Variants in PRKN observed in about 807,000 individuals in gnomAD.
PRKN encodes parkin RBR E3 ubiquitin protein ligase, also known as E3 ubiquitin-protein ligase parkin.
Under a neutral mutation model 59.5 loss-of-function variants are expected in PRKN, and 56 were observed. That is an observed-to-expected ratio of 0.94 (90% CI 0.76 to 1.18). PRKN has a LOEUF of 1.18. PRKN is among the 50% of genes most tolerant of loss of function. The probability of loss-of-function intolerance (pLI) is 0.00; values close to 1 mark genes in which losing one functional copy is unlikely to be tolerated. For missense variants in PRKN, 657 were observed against 596.4 expected, an observed-to-expected ratio of 1.10 and a Z score of -1.06; for synonymous variants, 250 against 222.1, an observed-to-expected ratio of 1.13 and a Z score of -1.12.
At chr6:162,644,214 C>T (rs1778075939) in intron 1 of PRKN, among the ~76,000 whole-genome samples, 1 of 152,168 alleles carries the variant, frequency 6.6e-6, no homozygotes, top group African/African-American at 2.4e-5. Context: ...CCTCCTCCTC[C>T]TGCCACCCAG....
intron 1 of PRKN, among the ~76,000 whole-genome samples, chr6:162,463,097 A>G (rs1272325875): frequency 6.6e-6 from 1 of 151,790 alleles, no homozygotes; most frequent in East Asian, 1.9e-4. Flanking sequence ...TTAAAAACGA[A>G]AAAAAAACCA....
intron 1 of PRKN, among the ~76,000 whole-genome samples, chr6:162,648,162 A>G (rs1778270063): frequency 6.6e-6 from 1 of 152,098 alleles, no homozygotes; most frequent in Non-Finnish European, 1.5e-5. Flanking sequence ...TAAATATCAC[A>G]TGTAACTACT....
chr6:161,579,197 T>G lies in PRKN; in HGVS notation c.872-9781A>C, dbSNP rs73782946. ...CTCTTTAATATGTTTTTCCACAGAT[T>G]ATGGTGGTTGGTTGGTTACCTGAGT... On this transcript the variant is annotated intron_variant, in intron 7 of 11. Coordinates refer to ENST00000366898, the MANE Select transcript of PRKN (RefSeq NM_004562.3). The surrounding 1 kb of genome is among the most constrained non-coding windows in gnomAD (Gnocchi z 4.2). Among the ~76,000 whole-genome samples, 629 of 152,320 alleles carry G rather than the reference T, an allele frequency of 4.1e-3. 2 individuals carry two copies. Among genetic ancestry groups the G allele is most frequent in the African/African-American group, 0.014 (602 of 41,560 alleles).
rs1782291270 is a variant in PRKN at position 162,151,969 on chromosome 6, T to A, written c.534+49162A>T. 2.6e-5 allele frequency among the ~76,000 whole-genome samples: 4 copies of A among 152,286 alleles called. No individual in the cohort carries two copies. The South Asian group carries it at 8.3e-4, about 32-fold the overall frequency. On this transcript the variant is annotated intron_variant, in intron 4 of 11. Transcript: ENST00000366898. ...ACATTATTTAGCAAAAAAAATCAAA[T>A]AATTATAATGCTTTATGTACCCTTA...
intron 4 of PRKN, among the ~76,000 whole-genome samples, chr6:162,138,749 A>G (rs1781653395): frequency 6.6e-6 from 1 of 152,224 alleles, no homozygotes; most frequent in African/African-American, 2.4e-5. Context: ...TATTTTCAAT[A>G]AAGATACACT....
chr6:162,369,657 T>C (rs1309437441), intron 2 of PRKN, among the ~76,000 whole-genome samples: 1 of 152,208 alleles, frequency 6.6e-6, no homozygotes, highest in Non-Finnish European at 1.5e-5. Context: ...GTAGTTTAAA[T>C]GTATTTCAGC....
chr6:162,571,132 T>C (rs9458608), intron 1 of PRKN: 46,918 of 152,912 alleles, frequency 0.31, 7,665 homozygotes, highest in East Asian at 0.49. Flanking sequence ...AAGGCCAGCC[T>C]AGCCAACATA....
At chr6:162,138,314 G>A (rs571029876) in intron 4 of PRKN, among the ~76,000 whole-genome samples, 1 of 152,156 alleles carries the variant, frequency 6.6e-6, no homozygotes, top group Non-Finnish European at 1.5e-5. Context: ...GAAGACTACT[G>A]TCATCATGGT....
At chr6:162,437,303 A>G (rs2128165343) in intron 2 of PRKN, among the ~76,000 whole-genome samples, 1 of 151,802 alleles carries the variant, frequency 6.6e-6, no homozygotes, top group East Asian at 1.9e-4. Flanking sequence ...CTTATTTTCT[A>G]AGAAAGTGAT....
At position 161,640,635 on chromosome 6, in the gene PRKN, G is replaced by C. The variant is rs115803614; in HGVS notation, c.872-71219C>G. Among the ~76,000 whole-genome samples the C allele has an allele frequency of 5.9e-3, 897 of 152,148 alleles. 12 individuals are homozygous for C. The highest frequency in any genetic ancestry group is 0.019 in the African/African-American group (800 of 41,494). On this transcript the variant is annotated intron_variant, in intron 7 of 11. Coordinates refer to ENST00000366898, the MANE Select transcript of PRKN (RefSeq NM_004562.3). The stretch of plus-strand genomic sequence containing the variant: ...GGTCGACATCCTATTTTTTGACCAG[G>C]CTTGAGTTGACAGACTCAGCCACGG...
At chr6:162,671,135 C>A (rs1480942666) in intron 1 of PRKN, among the ~76,000 whole-genome samples, 3 of 152,152 alleles carry the variant, frequency 2.0e-5, no homozygotes, top group African/African-American at 7.2e-5. Context: ...ATGGAAGAAG[C>A]AGGACTACAA....
intron 9 of PRKN, among the ~76,000 whole-genome samples, chr6:161,521,890 C>G (rs746599065): frequency 6.6e-6 from 1 of 152,154 alleles, no homozygotes; most frequent in Non-Finnish European, 1.5e-5. Flanking sequence ...TGAACATGCA[C>G]TTGATACTCA....
intron 4 of PRKN, among the ~76,000 whole-genome samples, chr6:162,091,568 T>G (rs1779497307): frequency 6.6e-6 from 1 of 152,168 alleles, no homozygotes; most frequent in South Asian, 2.1e-4. Context: ...TTCATGTAAA[T>G]GAACATCACA....
chr6:162,610,289 CAGG>C (rs1782093348), intron 1 of PRKN, among the ~76,000 whole-genome samples: 1 of 152,180 alleles, frequency 6.6e-6, no homozygotes, highest in Non-Finnish European at 1.5e-5. Flanking sequence ...GATCAGACCT[CAGG>C]AGGACTGCCT....
chr6:161,908,204 G>A (rs950199645), intron 6 of PRKN, among the ~76,000 whole-genome samples: 7 of 152,118 alleles, frequency 4.6e-5, no homozygotes, highest in Non-Finnish European at 1.5e-5. Context: ...AATTTAGCTC[G>A]GAACCGTCAA....
chr6:161,993,743 C>T (rs573210098), intron 5 of PRKN, among the ~76,000 whole-genome samples: 4 of 152,302 alleles, frequency 2.6e-5, no homozygotes, highest in East Asian at 3.9e-4. Context: ...GTTTATTTGA[C>T]TTACGGTTCT....
intron 10 of PRKN, among the ~76,000 whole-genome samples, chr6:161,383,430 T>C (rs1786083861): frequency 6.6e-6 from 1 of 152,224 alleles, no homozygotes; most frequent in African/African-American, 2.4e-5. Context: ...TCTGGAAGGC[T>C]GGCTCCCATG....
rs35943173 is a variant in PRKN at position 162,280,796 on chromosome 6, C to CAAAAAA, written c.172-18037_172-18032dup. Among the ~76,000 whole-genome samples the CAAAAAA allele has an allele frequency of 1.5e-4, 6 of 41,320 alleles. 1 individual carries two copies. The highest frequency in any genetic ancestry group is 8.1e-4 in the East Asian group (1 of 1,242). The allele number at this position is 41,320 out of a possible 152,430, so 27.1% of individuals were successfully genotyped here. On this transcript the variant is annotated intron_variant, in intron 2 of 11. Transcript: ENST00000366898. The stretch of plus-strand genomic sequence containing the variant: ...TGGGCTACAGAGTGAGACTCCATCT[C>CAAAAAA]AAAAAAAAAAAAAAAAAAAAAAGGC...
intron 1 of PRKN, among the ~76,000 whole-genome samples, chr6:162,555,950 C>T (rs1250520402): frequency 7.9e-6 from 1 of 126,914 alleles, no homozygotes; most frequent in Non-Finnish European, 1.6e-5. Flanking sequence ...GAAATGGCTC[C>T]AGCCTGGGCA....
Sources: gnomAD v4.1 joint callset for allele counts (sites outside exome capture counted in the v4.1 genomes callset) on GRCh38, gnomAD v4.1.1 for gene constraint, Gnocchi (gnomAD v3.1) non-coding constraint, MANE v1.5 for transcripts, NCBI Gene and HGNC (gene_info 2026-07-23, HGNC 2026-07-21) for gene names.